The following SOX5 variants were observed in gnomAD, a reference collection of about 807,000 sequenced individuals.
SOX5 encodes transcription factor SOX-5.
A neutral mutation model predicts 92.0 loss-of-function variants in SOX5; 9 were observed. The ratio of observed to expected loss-of-function variants is 0.10; its 90% CI spans 0.06 to 0.17. The LOEUF (loss-of-function observed/expected upper bound fraction) is 0.17. Ranked by LOEUF, SOX5 falls within the 10% of genes least tolerant of loss-of-function variation. SOX5 has a pLI of 1.00. For synonymous variants in SOX5, 344 were observed against 336.3 expected (o/e 1.02, Z -0.25); for missense variants, 642 against 944.5 (o/e 0.68, Z 4.20).
At position 24,144,641 on chromosome 12, in the gene SOX5, C is replaced by G. The variant is rs1371568911; in HGVS notation, c.-2+68702G>C. Among the ~76,000 whole-genome samples the G allele has an allele frequency of 4.0e-5, 6 of 151,896 alleles. No individual in the cohort carries two copies. The East Asian group carries it at 1.2e-3, about 29-fold the overall frequency. On this transcript the variant is annotated intron_variant, in intron 4 of 4. Transcript: ENST00000446891. ...AAACTTGGTGTGGTGCTGGGCACCA[C>G]AGCAAGACCCCATCTTTATGAAAAA...
rs1461877869 is a variant in SOX5, at chr12:23,575,890, T to C, written c.1165-52A>G. 18 of 1,440,670 alleles carry C rather than the reference T, an allele frequency of 1.2e-5. No homozygotes were observed. In the East Asian group the frequency reaches 4.4e-4, roughly 35 times the overall value. 89.2% of individuals were successfully genotyped at this position (1,440,670 alleles called of 1,614,324 possible). On this transcript the variant is annotated intron_variant, in intron 9 of 14. Coordinates refer to ENST00000451604, the MANE Select transcript of SOX5 (RefSeq NM_006940.6). ...GTGATAAGGAAAGGCTGATAAAAAA[T>C]GCCTAGAAAAACACAGGTATGCAGC...
At chr12:24,212,423 A>T (rs1163332693) in intron 4 of SOX5, 1 of 533,728 alleles carries the variant, frequency 1.9e-6, no homozygotes, top group South Asian at 1.4e-5. Context: ...AGCCACTGGT[A>T]GTTGTTCTAC....
chr12:23,579,066 G>A (rs1315880098), intron 9 of SOX5, among the ~76,000 whole-genome samples: 1 of 152,156 alleles, frequency 6.6e-6, no homozygotes, highest in Non-Finnish European at 1.5e-5. Flanking sequence ...AGTGAGGGGG[G>A]AATGGCGGTA....
At position 24,311,204 on chromosome 12, in the gene SOX5, C is replaced by T. The variant is rs185826193; in HGVS notation, c.-173-33892G>A. On this transcript the variant is annotated intron_variant, in intron 2 of 4. Transcript: ENST00000446891. Reference sequence around the variant, plus strand: ...TGAACAAACAGGACTTGCTGTAGTACGCCCCACCCAGTTTATTACTCTAAA... The same window carrying T: ...TGAACAAACAGGACTTGCTGTAGTATGCCCCACCCAGTTTATTACTCTAAA... Among the ~76,000 whole-genome samples, 78 of 152,274 alleles carry T rather than the reference C, an allele frequency of 5.1e-4. No individual in the cohort carries two copies. The East Asian group carries it at 9.8e-3, about 19-fold the overall frequency.
chr12:23,810,198 A>G (rs1185904280), intron 3 of SOX5, among the ~76,000 whole-genome samples: 2 of 152,282 alleles, frequency 1.3e-5, no homozygotes, highest in East Asian at 3.9e-4. Flanking sequence ...CTTATTGTTC[A>G]TTGAATTAAG....
intron 5 of SOX5, among the ~76,000 whole-genome samples, chr12:23,739,181 A>C (rs896784460): frequency 2.0e-5 from 3 of 152,192 alleles, no homozygotes; most frequent in Non-Finnish European, 4.4e-5. Context: ...TCCACCTGGG[A>C]TGGTGAATGG....
chr12:24,553,139 A>G (rs1953378208), intron 1 of SOX5, among the ~76,000 whole-genome samples: 1 of 152,238 alleles, frequency 6.6e-6, no homozygotes, highest in African/African-American at 2.4e-5. Context: ...CGTGATAGCC[A>G]GGTATTGTTA....
chr12:24,406,411 A>G (rs1962965137), intron 1 of SOX5, among the ~76,000 whole-genome samples: 1 of 152,142 alleles, frequency 6.6e-6, no homozygotes, highest in East Asian at 1.9e-4. Flanking sequence ...GGCCCAGAAA[A>G]CACAAAGCCA....
intron 11 of SOX5, among the ~76,000 whole-genome samples, chr12:23,558,818 G>T (rs1337537496): frequency 6.6e-6 from 1 of 152,156 alleles, no homozygotes; most frequent in Non-Finnish European, 1.5e-5. Flanking sequence ...GGTCAGGCTG[G>T]TCTCAAACTC....
Position 23,812,154 on chromosome 12 carries a change from A to G in SOX5, c.481+33829T>C, listed in dbSNP as rs149254630. Among the ~76,000 whole-genome samples the G allele has an allele frequency of 2.0e-3, 303 of 152,282 alleles. 3 individuals carry two copies. The highest frequency in any genetic ancestry group is 6.7e-3 in the African/African-American group (280 of 41,570). On this transcript the variant is annotated intron_variant, in intron 3 of 14. Transcript: ENST00000451604. ...AACAACACTCAAAAGAAAAAAGCCA[A>G]TAAATTAATCACTTCTGGTAGTTTC...
intron 7 of SOX5, among the ~76,000 whole-genome samples, chr12:23,662,552 G>C (rs1219013884): frequency 1.3e-5 from 2 of 152,066 alleles, no homozygotes; most frequent in African/African-American, 4.8e-5. Flanking sequence ...ACCACATTTT[G>C]TGGGTTTCCA....
chr12:23,597,353 A>G (rs948483904), intron 9 of SOX5, among the ~76,000 whole-genome samples: 1 of 152,112 alleles, frequency 6.6e-6, no homozygotes, highest in Non-Finnish European at 1.5e-5. Flanking sequence ...CCAACCCTCA[A>G]CTTTCTGCAT....
chr12:23,946,508 A>C (rs1475035462), intron 1 of SOX5, among the ~76,000 whole-genome samples: 1 of 152,048 alleles, frequency 6.6e-6, no homozygotes, highest in African/African-American at 2.4e-5. Context: ...ATTGACATTT[A>C]AGGCAAATAT....
At chr12:23,814,469 A>T (rs1050728823) in intron 3 of SOX5, among the ~76,000 whole-genome samples, 5 of 152,308 alleles carry the variant, frequency 3.3e-5, no homozygotes, top group African/African-American at 1.2e-4. Flanking sequence ...CCAATACTGG[A>T]AGTGAGGAAA....
chr12:24,410,082 C>T (rs1283891718), intron 1 of SOX5, among the ~76,000 whole-genome samples: 1 of 152,034 alleles, frequency 6.6e-6, no homozygotes, highest in African/African-American at 2.4e-5. Context: ...ACTGCAGCCT[C>T]GACCTCCTAG....
intron 4 of SOX5, among the ~76,000 whole-genome samples, chr12:24,126,571 C>G (rs1949123847): frequency 6.6e-6 from 1 of 152,224 alleles, no homozygotes. Context: ...TCCACCACCT[C>G]CATTCTATTC....
chr12:24,058,771 G>T (rs764594937), intron 4 of SOX5, among the ~76,000 whole-genome samples: 2 of 151,132 alleles, frequency 1.3e-5, no homozygotes, highest in Non-Finnish European at 3.0e-5. Flanking sequence ...TCATCAGGTT[G>T]CTGTAATAAG....
upstream of SOX5, chr12:23,949,768 C>T (rs1945271392): frequency 1.0e-5 from 1 of 97,552 alleles, no homozygotes; most frequent in Non-Finnish European, 1.7e-5. Flanking sequence ...CTCTCTCTGT[C>T]TCTCTCTCTC....
At chr12:23,713,630 T>C (rs1323197042) in intron 6 of SOX5, among the ~76,000 whole-genome samples, 1 of 150,162 alleles carries the variant, frequency 6.7e-6, no homozygotes, top group African/African-American at 2.5e-5. Flanking sequence ...AAGGGAAATA[T>C]ATATTCTCCA....
Sources: gnomAD v4.1 joint callset for allele counts (sites outside exome capture counted in the v4.1 genomes callset) on GRCh38, gnomAD v4.1.1 for gene constraint, MANE v1.5 for transcripts, NCBI Gene and HGNC (gene_info 2026-07-23, HGNC 2026-07-21) for gene names.